The following ADAM2 variants were observed in gnomAD, a reference collection of about 807,000 sequenced individuals.
ADAM2 encodes the protein disintegrin and metalloproteinase domain-containing protein 2.
Under a neutral mutation model 99.3 loss-of-function variants are expected in ADAM2, and 101 were observed. The observed-to-expected ratio is 1.02, with a 90% CI of 0.87 to 1.20. ADAM2 has a LOEUF of 1.20. Ranked by LOEUF, ADAM2 falls within the 50% of genes most tolerant of loss-of-function variation. The pLI, the probability that ADAM2 is intolerant of heterozygous loss-of-function variation, is 0.00. For synonymous variants in ADAM2, 323 were observed against 287.6 expected (o/e 1.12, Z -1.25); for missense variants, 948 against 878.7 (o/e 1.08, Z -1.00).
Position 39,767,197 on chromosome 8 carries a change from C to G in ADAM2, c.1267G>C (p.Ala423Pro), listed in dbSNP as rs1316805114. Residue 423 changes from alanine (A) to proline (P), a missense_variant, in exon 13 of 21, where the codon GCC becomes CCC. Physicochemically the swap from Ala to Pro is conservative, Grantham distance 27. Coordinates refer to ENST00000265708, the MANE Select transcript of ADAM2 (RefSeq NM_001464.5). ...CCDIATCRFKAGSNCAEGPCC... is the reference protein window; with the variant it reads ...CCDIATCRFKPGSNCAEGPCC... ...GGTCCTTCAGCACAGTTTGAACCGG[C>G]TTTAAATCTACATGTGGCAATATCA... is the stretch of plus-strand genomic sequence containing the variant. 6.2e-7 allele frequency: 1 copy of G among 1,608,136 alleles called. No individual in the cohort carries two copies. The highest frequency in any genetic ancestry group is 1.7e-5 in the Admixed American group (1 of 57,530).
At chr8:39,827,592 A>C (rs1654800389) in intron 3 of ADAM2, among the ~76,000 whole-genome samples, 1 of 152,142 alleles carries the variant, frequency 6.6e-6, no homozygotes, top group Non-Finnish European at 1.5e-5. Context: ...AGGCTGGATG[A>C]ATCTGGAGGG....
intron 7 of ADAM2, among the ~76,000 whole-genome samples, chr8:39,790,766 T>C (rs1803677614): frequency 6.6e-6 from 1 of 151,954 alleles, no homozygotes; most frequent in Non-Finnish European, 1.5e-5. Context: ...TCTTCTCCTC[T>C]TTTCAAGGAG....
At chr8:39,786,184 T>C (rs866522455) in intron 10 of ADAM2, among the ~76,000 whole-genome samples, 1 of 152,252 alleles carries the variant, frequency 6.6e-6, no homozygotes, top group Middle Eastern at 3.4e-3. Context: ...AAAAACTAAC[T>C]AGTGGGTACT....
chr8:39,835,386 A>T (rs1805778564), intron 2 of ADAM2, among the ~76,000 whole-genome samples: 1 of 150,118 alleles, frequency 6.7e-6, no homozygotes, highest in Non-Finnish European at 1.5e-5. Context: ...ATTATTTTTA[A>T]AAATCTAGTA....
chr8:39,832,682 A>G (rs961959161), intron 3 of ADAM2, among the ~76,000 whole-genome samples: 8 of 152,296 alleles, frequency 5.3e-5, no homozygotes, highest in African/African-American at 1.7e-4. Context: ...ATATCTGGTG[A>G]TTCTCTGATG....
chr8:39,795,633 CT>C, intron 7 of ADAM2, among the ~76,000 whole-genome samples: 1 of 152,220 alleles, frequency 6.6e-6, no homozygotes, highest in Middle Eastern at 3.4e-3. Flanking sequence ...TGTATTATGT[CT>C]CCCTAAAATC....
chr8:39,752,532 T>C (rs1586046230), intron 16 of ADAM2, among the ~76,000 whole-genome samples: 1 of 152,238 alleles, frequency 6.6e-6, no homozygotes, highest in East Asian at 1.9e-4. Context: ...GTAGCTGCCT[T>C]AAGGACTGGT....
At chr8:39,791,048 CACTT>C (rs1380072717) in intron 7 of ADAM2, among the ~76,000 whole-genome samples, 2 of 151,254 alleles carry the variant, frequency 1.3e-5, no homozygotes, top group South Asian at 2.1e-4. Context: ...ATAATTATAA[CACTT>C]ACAATTTAAA....
chr8:39,769,687 G>T, intron 11 of ADAM2, 112 bp from the exon 12 acceptor site: 2 of 642,786 alleles, frequency 3.1e-6, no homozygotes, highest in Non-Finnish European at 5.4e-6. Context: ...CCAAGTCTGT[G>T]AGTGTCAATG....
At chr8:39,796,089 A>C (rs1803928711) in intron 7 of ADAM2, among the ~76,000 whole-genome samples, 3 of 152,030 alleles carry the variant, frequency 2.0e-5, no homozygotes, top group Admixed American at 1.3e-4. Flanking sequence ...TCTAAAAAAA[A>C]AACAGGATAC....
At chr8:39,786,697 A>G (rs1025283337) in intron 10 of ADAM2, among the ~76,000 whole-genome samples, 7 of 152,148 alleles carry the variant, frequency 4.6e-5, no homozygotes, top group Non-Finnish European at 7.4e-5. Context: ...AAATATTAAG[A>G]TTATGAAAAC....
chr8:39,786,968 C>A lies in ADAM2; in HGVS notation c.891+6G>T, dbSNP rs1373002823. 6.3e-7 allele frequency: 1 copy of A among 1,578,644 alleles called. No homozygotes were observed. The highest frequency in any genetic ancestry group is 8.6e-7 in the Non-Finnish European group (1 of 1,160,394). On this transcript the variant is annotated splice_donor_region_variant and intron_variant, in intron 10 of 20. Coordinates refer to ENST00000265708, the MANE Select transcript of ADAM2 (RefSeq NM_001464.5). ...AGCATACTTTCTATACATAACCATA[C>A]CATACCAGAACAACACCTCCTGCAT...
chr8:39,791,711 G>T (rs1216997318), intron 7 of ADAM2, among the ~76,000 whole-genome samples: 1 of 152,010 alleles, frequency 6.6e-6, no homozygotes, highest in Non-Finnish European at 1.5e-5. Context: ...GTGTTTTGTG[G>T]TGCTCCATTA....
At chr8:39,821,221 G>T in intron 5 of ADAM2, 51 bp from the exon 6 acceptor site, 2 of 1,276,968 alleles carry the variant, frequency 1.6e-6, no homozygotes, top group Non-Finnish European at 2.2e-6. Flanking sequence ...TTGTGGAAAA[G>T]CCAATAAAAT....
intron 4 of ADAM2, among the ~76,000 whole-genome samples, chr8:39,822,712 A>G (rs540473601): frequency 1.9e-4 from 29 of 151,478 alleles, no homozygotes; most frequent in Non-Finnish European, 4.3e-4. Context: ...ATTTCCGTCA[A>G]TTATGCCTTC....
At chr8:39,752,241 G>T (rs1801978161) in intron 16 of ADAM2, among the ~76,000 whole-genome samples, 1 of 152,144 alleles carries the variant, frequency 6.6e-6, no homozygotes, top group Admixed American at 6.5e-5. Flanking sequence ...TTAGAAGCAG[G>T]TTATATCAAA....
intron 11 of ADAM2, among the ~76,000 whole-genome samples, chr8:39,773,852 A>G (rs1206643820): frequency 6.6e-6 from 1 of 151,892 alleles, no homozygotes. Flanking sequence ...TAACTGTGAT[A>G]CTAAAACCAG....
At chr8:39,818,336 A>G (rs1009001118) in intron 6 of ADAM2, among the ~76,000 whole-genome samples, 2 of 152,206 alleles carry the variant, frequency 1.3e-5, no homozygotes, top group East Asian at 1.9e-4. Flanking sequence ...TTATCTCAAC[A>G]TACGTTGCAG....
intron 6 of ADAM2, among the ~76,000 whole-genome samples, chr8:39,809,767 G>A (rs937123039): frequency 4.0e-5 from 6 of 151,888 alleles, no homozygotes; most frequent in African/African-American, 1.5e-4. Context: ...TGCCTTACAA[G>A]AGCTCCTGAA....
Sources: gnomAD v4.1 joint callset for allele counts (sites outside exome capture counted in the v4.1 genomes callset) on GRCh38, gnomAD v4.1.1 for gene constraint, MANE v1.5 for transcripts, NCBI Gene and HGNC (gene_info 2026-07-23, HGNC 2026-07-21) for gene names.